SUSD1: variants seen among roughly 807,000 people sequenced by gnomAD.
SUSD1 encodes sushi domain-containing protein 1.
SUSD1 carries 65 observed loss-of-function variants against 86.9 expected under a neutral mutation model. That is an observed-to-expected ratio of 0.75 (90% CI 0.61 to 0.92). The LOEUF is 0.92. Among genes scored for constraint, SUSD1 ranks in the 40% least tolerant of loss-of-function variants. The probability of loss-of-function intolerance (pLI) is 0.00; values close to 1 mark genes in which losing one functional copy is unlikely to be tolerated. For synonymous variants in SUSD1, 346 were observed against 350.0 expected (o/e 0.99, Z 0.13); for missense variants, 850 against 929.7 (o/e 0.91, Z 1.11).
intron 6 of SUSD1, among the ~76,000 whole-genome samples, chr9:112,115,911 T>A (rs1040213929): frequency 6.6e-6 from 1 of 150,744 alleles, no homozygotes; most frequent in Non-Finnish European, 1.5e-5. Flanking sequence ...TTGGGTAGCA[T>A]AAAGATGATG....
intron 5 of SUSD1, among the ~76,000 whole-genome samples, chr9:112,132,748 A>T (rs922134000): frequency 2.6e-5 from 4 of 152,218 alleles, no homozygotes; most frequent in African/African-American, 9.6e-5. Context: ...TATCCCCTGC[A>T]GTCCTTTGGA....
intron 14 of SUSD1, among the ~76,000 whole-genome samples, chr9:112,056,220 T>C (rs1395304606): frequency 6.6e-6 from 1 of 151,730 alleles, no homozygotes; most frequent in Non-Finnish European, 1.5e-5. Context: ...TGAGCTATGA[T>C]CGTGCCACTG....
rs184699979 is a variant in SUSD1 at position 112,080,940 on chromosome 9, G to C, written c.1475-775C>G. Among the ~76,000 whole-genome samples, 361 of 152,236 alleles carry C rather than the reference G, an allele frequency of 2.4e-3. 3 individuals carry two copies. The highest frequency in any genetic ancestry group is 8.2e-3 in the African/African-American group (341 of 41,540). On this transcript the variant is annotated intron_variant, in intron 10 of 16. Transcript: ENST00000374270. Reference sequence around the variant, plus strand: ...CATGAGGAAAAGAATAGGAGGTGGCGGGATTCTCTTGGTTTGGGCTTCCTT... The same window carrying C: ...CATGAGGAAAAGAATAGGAGGTGGCCGGATTCTCTTGGTTTGGGCTTCCTT...
At chr9:112,133,430 T>C (rs578030205) in intron 5 of SUSD1, among the ~76,000 whole-genome samples, 2 of 152,190 alleles carry the variant, frequency 1.3e-5, no homozygotes, top group Non-Finnish European at 2.9e-5. Context: ...AGTCACCTTA[T>C]CTTCTGCAAA....
At chr9:112,143,438 G>C (rs374950211) in intron 4 of SUSD1, 33 bp downstream of exon 4, 2 of 1,607,366 alleles carry the variant, frequency 1.2e-6, no homozygotes, top group Non-Finnish European at 1.7e-6. Context: ...AGAATTTCAC[G>C]TTGAGATGCC....
intron 1 of SUSD1, among the ~76,000 whole-genome samples, chr9:112,167,659 G>A (rs1481516041): frequency 6.6e-6 from 1 of 152,048 alleles, no homozygotes; most frequent in Non-Finnish European, 1.5e-5. Context: ...GTAATCCTTG[G>A]AGAGCTCTGT....
chr9:112,110,567 T>C (rs947277030), intron 8 of SUSD1, among the ~76,000 whole-genome samples: 5 of 151,554 alleles, frequency 3.3e-5, no homozygotes, highest in Non-Finnish European at 7.4e-5. Flanking sequence ...TTCTTTCTTT[T>C]TTTTTTTTGT....
intron 3 of SUSD1, among the ~76,000 whole-genome samples, chr9:112,148,103 T>C (rs1365767916): frequency 6.6e-6 from 1 of 152,204 alleles, no homozygotes; most frequent in Non-Finnish European, 1.5e-5. Flanking sequence ...ATAAAATATG[T>C]TCTCCTTTCA....
rs1834031213 is a variant in SUSD1 at position 112,171,166 on chromosome 9, G to A, written c.103+3967C>T. Reference sequence around the variant, plus strand: ...AACTTGGGACTAACCAGAAAAGCCAGATATGGCCCTCTCACCAATCACATG... The same window carrying A: ...AACTTGGGACTAACCAGAAAAGCCAAATATGGCCCTCTCACCAATCACATG... On this transcript the variant is annotated intron_variant, in intron 1 of 16. Coordinates refer to ENST00000374270, the MANE Select transcript of SUSD1 (RefSeq NM_022486.5). Among the ~76,000 whole-genome samples the A allele has an allele frequency of 2.6e-5, 4 of 152,304 alleles. No individual in the cohort carries two copies. The South Asian group carries it at 8.3e-4, about 32-fold the overall frequency.
chr9:112,140,546 GGAAAAA>G (rs1832520976), intron 5 of SUSD1, among the ~76,000 whole-genome samples: 1 of 150,912 alleles, frequency 6.6e-6, no homozygotes, highest in Non-Finnish European at 1.5e-5. Flanking sequence ...AGAAAAGAAA[GGAAAAA>G]GGAAAAGGAA....
rs777085327 is a variant in SUSD1 at position 112,102,168 on chromosome 9, C to T, written c.1281+8G>A. ...TTCTTTAATGGAAAGCATAAGAGAT[C>T]TCCTTACTTGGTACATGTGTTCTGA... is the stretch of plus-strand genomic sequence containing the variant. On this transcript the variant is annotated splice_region_variant and intron_variant, in intron 9 of 16. Transcript: ENST00000374270. The T allele has an allele frequency of 6.6e-7, 1 of 1,506,134 alleles. No individual in the cohort carries two copies. The highest frequency in any genetic ancestry group is 1.2e-5 in the South Asian group (1 of 80,478). 93.3% of individuals were successfully genotyped at this position (1,506,134 alleles called of 1,614,324 possible).
At chr9:112,092,813 T>G (rs1830255347) in intron 10 of SUSD1, among the ~76,000 whole-genome samples, 1 of 152,154 alleles carries the variant, frequency 6.6e-6, no homozygotes, top group African/African-American at 2.4e-5. Flanking sequence ...AACTTTTATA[T>G]GTCAAAAACA....
At chr9:112,136,936 G>C (rs1443983882) in intron 5 of SUSD1, among the ~76,000 whole-genome samples, 2 of 152,154 alleles carry the variant, frequency 1.3e-5, no homozygotes, top group Admixed American at 1.3e-4. Context: ...GTGCATGTTT[G>C]TCTTGGCACC....
intron 6 of SUSD1, among the ~76,000 whole-genome samples, chr9:112,115,824 G>A (rs7854071): frequency 1.7e-4 from 21 of 120,910 alleles, no homozygotes; most frequent in African/African-American, 3.7e-4. Context: ...AAAAAAAAAA[G>A]AAAAAAAAAA....
chr9:112,058,585 C>G lies in SUSD1; in HGVS notation c.1952G>C (p.Gly651Ala), dbSNP rs2118957506. 6.2e-7 allele frequency: 1 copy of G among 1,614,148 alleles called. No individual in the cohort carries two copies. The highest frequency in any genetic ancestry group is 2.2e-5 in the East Asian group (1 of 44,890). Residue 651 changes from glycine to alanine, a missense_variant, in exon 14 of 17, where the codon GGA becomes GCA. Coordinates refer to ENST00000374270, the MANE Select transcript of SUSD1 (RefSeq NM_022486.5). Reference protein sequence around the residue: ...SFFSNASDADGYVAAELLAKD... With the variant: ...SFFSNASDADAYVAAELLAKD... Reference sequence around the variant, plus strand: ...GGCCAGTAGTTCTGCAGCCACGTATCCATCAGCATCAGAGGCGTTGCTAAA... The same window carrying G: ...GGCCAGTAGTTCTGCAGCCACGTATGCATCAGCATCAGAGGCGTTGCTAAA...
intron 5 of SUSD1, among the ~76,000 whole-genome samples, chr9:112,139,494 G>A (rs967016598): frequency 3.9e-5 from 6 of 151,966 alleles, no homozygotes; most frequent in Non-Finnish European, 8.8e-5. Flanking sequence ...CACCCAGGCT[G>A]GAGGGCAGGG....
At chr9:112,105,637 T>C (rs1016731903) in intron 8 of SUSD1, among the ~76,000 whole-genome samples, 4 of 152,154 alleles carry the variant, frequency 2.6e-5, no homozygotes, top group Non-Finnish European at 5.9e-5. Flanking sequence ...AAGAATCTCT[T>C]GAACACAGGA....
At chr9:112,138,452 C>A (rs1037349522) in intron 5 of SUSD1, among the ~76,000 whole-genome samples, 1 of 148,918 alleles carries the variant, frequency 6.7e-6, no homozygotes, top group Non-Finnish European at 1.5e-5. Flanking sequence ...TTATCTATGT[C>A]AATAAATATT....
chr9:112,153,515 A>G (rs951898592), intron 2 of SUSD1, among the ~76,000 whole-genome samples: 1 of 152,156 alleles, frequency 6.6e-6, no homozygotes, highest in Non-Finnish European at 1.5e-5. Context: ...TTTAATAAGT[A>G]GAAGGAGTAC....
Sources: allele counts gnomAD v4.1 joint callset (sites outside exome capture counted in the v4.1 genomes callset), GRCh38; gene constraint gnomAD v4.1.1; transcripts MANE v1.5; gene names NCBI Gene and HGNC (gene_info 2026-07-23, HGNC 2026-07-21).